WDFY2: variants seen among roughly 807,000 people sequenced by gnomAD.
WDFY2 encodes the protein WD repeat and FYVE domain containing 2, also known as WD repeat and FYVE domain-containing protein 2.
Under a neutral mutation model 56.4 loss-of-function variants are expected in WDFY2, and 36 were observed. The observed-to-expected ratio is 0.64, with a 90% confidence interval of 0.49 to 0.84. The LOEUF is 0.84. Among genes scored for constraint, WDFY2 ranks in the 40% least tolerant of loss-of-function variants. WDFY2 has a pLI of 0.00. For synonymous variants in WDFY2, 176 were observed against 183.7 expected, an observed-to-expected ratio of 0.96 and a Z score of 0.34; for missense variants, 444 against 512.2, an observed-to-expected ratio of 0.87 and a Z score of 1.29.
chr13:51,705,299 T>G (rs1952060575), intron 4 of WDFY2, among the ~76,000 whole-genome samples: 1 of 152,210 alleles, frequency 6.6e-6, no homozygotes, highest in East Asian at 1.9e-4. Flanking sequence ...TGTGAGAGAC[T>G]TTTTGACAGA....
chr13:51,585,112 TG>T (rs1286545695), intron 1 of WDFY2, among the ~76,000 whole-genome samples: 1 of 152,214 alleles, frequency 6.6e-6, no homozygotes, highest in African/African-American at 2.4e-5. Context: ...GGAGGGACTT[TG>T]GTCCATCCCT....
intron 1 of WDFY2, among the ~76,000 whole-genome samples, chr13:51,600,359 TC>T (rs1325001813): frequency 6.6e-6 from 1 of 152,094 alleles, no homozygotes; most frequent in Non-Finnish European, 1.5e-5. Flanking sequence ...TGCATTTGGG[TC>T]TTGGGAATAG....
chr13:51,619,431 TC>T (rs1195368704), intron 1 of WDFY2, among the ~76,000 whole-genome samples: 18 of 113,098 alleles, frequency 1.6e-4, no homozygotes, highest in African/African-American at 4.4e-4. Flanking sequence ...AGACACTATC[TC>T]CAAAAAAAAA....
chr13:51,675,146 C>A (rs1299286523), intron 2 of WDFY2, 24 bp from the exon 3 acceptor site: 1 of 1,610,070 alleles, frequency 6.2e-7, no homozygotes, highest in Non-Finnish European at 8.5e-7. Context: ...TTGTTAATTT[C>A]ATCAACATGT....
intron 1 of WDFY2, among the ~76,000 whole-genome samples, chr13:51,609,115 A>T (rs1490766843): frequency 6.6e-6 from 1 of 152,128 alleles, no homozygotes; most frequent in Non-Finnish European, 1.5e-5. Context: ...TTTTTAACTT[A>T]AAAAAATTGT....
chr13:51,706,151 G>A (rs550664300), intron 4 of WDFY2, among the ~76,000 whole-genome samples: 2 of 152,218 alleles, frequency 1.3e-5, no homozygotes, highest in Admixed American at 6.5e-5. Context: ...GATAACTAGA[G>A]TACTATGGAA....
At position 51,730,058 on chromosome 13, in the gene WDFY2, C is replaced by T. The variant is rs547060389; in HGVS notation, c.598+2268C>T. ...CTATGAATTTGACTAGTCTAGGTGA[C>T]TCATAGGAGTGGAATCATGCAGTAT... On this transcript the variant is annotated intron_variant, in intron 6 of 11. Transcript: ENST00000298125. Among the ~76,000 whole-genome samples the T allele has an allele frequency of 6.6e-4, 100 of 152,256 alleles. 1 individual carries two copies. The South Asian group carries it at 0.021, about 31-fold the overall frequency.
intron 8 of WDFY2, among the ~76,000 whole-genome samples, chr13:51,754,225 A>G (rs9535748): frequency 0.28 from 41,862 of 151,776 alleles, 5,945 homozygotes; most frequent in South Asian, 0.36. Context: ...GGACCCCATC[A>G]TGTGTACCAT....
intron 1 of WDFY2, among the ~76,000 whole-genome samples, chr13:51,617,596 G>A (rs890503615): frequency 3.3e-5 from 5 of 152,116 alleles, no homozygotes; most frequent in African/African-American, 1.2e-4. Context: ...ACTCTTGACT[G>A]TAAGTTTCAT....
At chr13:51,585,246 G>C (rs944891016) in intron 1 of WDFY2, among the ~76,000 whole-genome samples, 2 of 152,244 alleles carry the variant, frequency 1.3e-5, no homozygotes, top group African/African-American at 4.8e-5. Flanking sequence ...ACAGCTCCCA[G>C]GGTTTCAAAC....
At chr13:51,629,136 T>A (rs2138375273) in intron 1 of WDFY2, among the ~76,000 whole-genome samples, 2 of 152,322 alleles carry the variant, frequency 1.3e-5, no homozygotes, top group South Asian at 4.1e-4. Flanking sequence ...ACTCCTCACA[T>A]GGGAAGTCTC....
chr13:51,696,179 C>A (rs545784037), intron 3 of WDFY2, among the ~76,000 whole-genome samples: 4 of 152,276 alleles, frequency 2.6e-5, no homozygotes, highest in African/African-American at 9.6e-5. Flanking sequence ...GTGTGCTGCA[C>A]CCACTATCCT....
chr13:51,617,231 A>G (rs1414246646), intron 1 of WDFY2, among the ~76,000 whole-genome samples: 1 of 152,240 alleles, frequency 6.6e-6, no homozygotes, highest in Non-Finnish European at 1.5e-5. Context: ...GTTTAACAGC[A>G]GTAACTCCTT....
intron 7 of WDFY2, among the ~76,000 whole-genome samples, chr13:51,748,118 T>G (rs1413228596): frequency 2.0e-5 from 3 of 152,170 alleles, no homozygotes. Flanking sequence ...ATTCCACATC[T>G]GCTACTCACT....
chr13:51,750,760 G>A lies in WDFY2; in HGVS notation c.726-550G>A, dbSNP rs560606402. On this transcript the variant is annotated intron_variant, in intron 7 of 11. Transcript: ENST00000298125. ...AAAACTAGAGAAATGGAGAGCCTGT[G>A]AAATTCAAGTCTGTTACTGCTATGG... is the stretch of plus-strand genomic sequence containing the variant. Among the ~76,000 whole-genome samples the A allele has an allele frequency of 8.5e-5, 13 of 152,254 alleles. No individual in the cohort carries two copies. The South Asian group carries it at 2.5e-3, about 29-fold the overall frequency.
At chr13:51,597,482 A>G (rs761357395) in intron 1 of WDFY2, among the ~76,000 whole-genome samples, 2 of 152,216 alleles carry the variant, frequency 1.3e-5, no homozygotes, top group African/African-American at 2.4e-5. Flanking sequence ...GGATGCTGCT[A>G]TAGTCACTAT....
At chr13:51,705,989 A>AT (rs1180964059) in intron 4 of WDFY2, among the ~76,000 whole-genome samples, 1 of 152,176 alleles carries the variant, frequency 6.6e-6, no homozygotes, top group Non-Finnish European at 1.5e-5. Context: ...ATAACATGCC[A>AT]TTTCCTATGT....
chr13:51,733,659 C>T (rs1667226381), intron 6 of WDFY2, among the ~76,000 whole-genome samples: 1 of 152,152 alleles, frequency 6.6e-6, no homozygotes, highest in Admixed American at 6.5e-5. Context: ...GGAAAGCTGA[C>T]TTTGTTTGGA....
chr13:51,707,089 A>G (rs1162153705), intron 4 of WDFY2, among the ~76,000 whole-genome samples: 1 of 152,250 alleles, frequency 6.6e-6, no homozygotes, highest in Non-Finnish European at 1.5e-5. Flanking sequence ...TGGGTAGAAT[A>G]TTAGACACAG....
Sources: allele counts gnomAD v4.1 joint callset (sites outside exome capture counted in the v4.1 genomes callset), GRCh38; gene constraint gnomAD v4.1.1; transcripts MANE v1.5; gene names NCBI Gene and HGNC (gene_info 2026-07-23, HGNC 2026-07-21).